L3MBTL4: variants seen among roughly 807,000 people sequenced by gnomAD.
L3MBTL4 encodes the protein lethal(3)malignant brain tumor-like protein 4.
Under a neutral mutation model 84.5 loss-of-function variants are expected in L3MBTL4, and 70 were observed. The observed-to-expected ratio is 0.83, with a 90% CI of 0.68 to 1.01. The LOEUF (loss-of-function observed/expected upper bound fraction) is 1.01. Among genes scored for constraint, L3MBTL4 ranks in the 50% least tolerant of loss-of-function variants. The pLI, the probability that L3MBTL4 is intolerant of heterozygous loss-of-function variation, is 0.00. For synonymous variants in L3MBTL4, 274 were observed against 259.8 expected, an observed-to-expected ratio of 1.05 and a Z score of -0.52; for missense variants, 715 against 754.8, an observed-to-expected ratio of 0.95 and a Z score of 0.62.
intron 14 of L3MBTL4, among the ~76,000 whole-genome samples, chr18:6,125,605 T>A (rs1166531493): frequency 2.0e-5 from 3 of 152,038 alleles, no homozygotes; most frequent in Admixed American, 2.0e-4. Flanking sequence ...ATGTCATGTA[T>A]TTTTTGTAGA....
At chr18:6,188,736 A>G (rs2044911226) in intron 12 of L3MBTL4, among the ~76,000 whole-genome samples, 2 of 152,238 alleles carry the variant, frequency 1.3e-5, no homozygotes, top group African/African-American at 2.4e-5. Flanking sequence ...CCGAAACCCC[A>G]GACCCTGAGC....
Position 6,157,169 on chromosome 18 carries a change from T to C in L3MBTL4, c.1096+14659A>G, listed in dbSNP as rs534657840. On this transcript the variant is annotated intron_variant, in intron 13 of 18. Transcript: ENST00000317931. ...TAAAAAACACAATATGCTGTAATTG[T>C]CTATTAAGTCAATGAGTACTTAGGG... 4.4e-3 allele frequency among the ~76,000 whole-genome samples: 670 copies of C among 152,334 alleles called. 2 individuals carry two copies. Among genetic ancestry groups the C allele is most frequent in the African/African-American group, 0.015 (634 of 41,570 alleles).
intron 16 of L3MBTL4, among the ~76,000 whole-genome samples, chr18:5,992,465 A>G (rs2053749976): frequency 6.6e-6 from 1 of 152,182 alleles, no homozygotes; most frequent in Non-Finnish European, 1.5e-5. Flanking sequence ...AAATCCCCCA[A>G]GAACATTAAG....
chr18:6,289,811 G>C (rs1313531430), intron 4 of L3MBTL4, among the ~76,000 whole-genome samples: 1 of 152,078 alleles, frequency 6.6e-6, no homozygotes, highest in African/African-American at 2.4e-5. Flanking sequence ...AGTATAACTT[G>C]ATTCTGTCCT....
Position 6,161,939 on chromosome 18 carries a change from A to ATG in L3MBTL4, c.1096+9888_1096+9889insCA, listed in dbSNP as rs941702501. On this transcript the variant is annotated intron_variant, in intron 13 of 18. Transcript: ENST00000317931. ...TATAATTCTTATATATAAAATATAT[A>ATG]TATATATCTAAGAAAGCTAAGAGAG... Among the ~76,000 whole-genome samples, 64 of 150,322 alleles carry ATG rather than the reference A, an allele frequency of 4.3e-4. 2 individuals are homozygous for ATG. Among genetic ancestry groups the ATG allele is most frequent in the African/African-American group, 1.5e-3 (61 of 41,198 alleles).
chr18:6,330,121 A>G (rs1237521739), intron 1 of L3MBTL4, among the ~76,000 whole-genome samples: 2 of 152,198 alleles, frequency 1.3e-5, no homozygotes, highest in African/African-American at 4.8e-5. Context: ...CTACTTAAAC[A>G]ATCTACTATA....
At chr18:6,008,375 C>G (rs906758509) in intron 16 of L3MBTL4, among the ~76,000 whole-genome samples, 6 of 152,152 alleles carry the variant, frequency 3.9e-5, no homozygotes, top group Non-Finnish European at 5.9e-5. Flanking sequence ...GTGGGCTCCT[C>G]AACAATATGA....
At position 6,103,692 on chromosome 18, in the gene L3MBTL4, T is replaced by A. The variant is rs1034223326; in HGVS notation, c.1200-10164A>T. Among the ~76,000 whole-genome samples, 9 of 152,352 alleles carry A rather than the reference T, an allele frequency of 5.9e-5. 1 individual carries two copies. In the South Asian group the frequency reaches 1.2e-3, roughly 21 times the overall value. On this transcript the variant is annotated intron_variant, in intron 14 of 18. Coordinates refer to ENST00000317931, the MANE Select transcript of L3MBTL4 (RefSeq NM_001330559.2). ...AGTTTCCTGAATATGCATGAGAATATGTTTACATAGGTATATATTTATGTA... is the reference window on the plus strand; with the variant it reads ...AGTTTCCTGAATATGCATGAGAATAAGTTTACATAGGTATATATTTATGTA...
chr18:6,353,028 A>G (rs2053271240), intron 1 of L3MBTL4, among the ~76,000 whole-genome samples: 1 of 152,242 alleles, frequency 6.6e-6, no homozygotes, highest in Non-Finnish European at 1.5e-5. Context: ...TAAACTAAAC[A>G]TATGTAAATT....
chr18:6,017,418 T>C (rs1481027657), intron 16 of L3MBTL4, among the ~76,000 whole-genome samples: 3 of 152,230 alleles, frequency 2.0e-5, no homozygotes, highest in African/African-American at 7.2e-5. Flanking sequence ...TGTGGAATTT[T>C]ATTTACTTTT....
chr18:6,011,351 C>T (rs2054727758), intron 16 of L3MBTL4, among the ~76,000 whole-genome samples: 1 of 152,136 alleles, frequency 6.6e-6, no homozygotes, highest in African/African-American at 2.4e-5. Context: ...GGTAGATCCT[C>T]CCATGACCTC....
At chr18:6,281,497 A>G (rs1185207895) in intron 4 of L3MBTL4, among the ~76,000 whole-genome samples, 1 of 152,210 alleles carries the variant, frequency 6.6e-6, no homozygotes, top group Non-Finnish European at 1.5e-5. Flanking sequence ...TTAAACATAA[A>G]AAGGATGATT....
intron 1 of L3MBTL4, among the ~76,000 whole-genome samples, chr18:6,317,129 C>A (rs969027403): frequency 2.6e-5 from 4 of 152,052 alleles, no homozygotes; most frequent in African/African-American, 4.8e-5. Flanking sequence ...ATTGTTACTA[C>A]AAGAGGCGTC....
At chr18:6,125,250 G>A (rs1347049236) in intron 14 of L3MBTL4, among the ~76,000 whole-genome samples, 1 of 151,990 alleles carries the variant, frequency 6.6e-6, no homozygotes, top group Non-Finnish European at 1.5e-5. Context: ...CTAGTAGCAA[G>A]AACACAACAA....
intron 13 of L3MBTL4, among the ~76,000 whole-genome samples, chr18:6,163,681 GA>G (rs1390936042): frequency 2.6e-5 from 4 of 152,072 alleles, no homozygotes; most frequent in African/African-American, 9.7e-5. Flanking sequence ...AACTTCTTAA[GA>G]AAAAGTGAAT....
intron 3 of L3MBTL4, among the ~76,000 whole-genome samples, chr18:6,304,572 G>A (rs909683351): frequency 2.0e-5 from 3 of 152,106 alleles, no homozygotes; most frequent in Non-Finnish European, 2.9e-5. Context: ...AAAAGTATAC[G>A]GCCCTCACTG....
intron 14 of L3MBTL4, among the ~76,000 whole-genome samples, chr18:6,112,819 T>C (rs572199331): frequency 5.9e-5 from 9 of 152,346 alleles, no homozygotes; most frequent in African/African-American, 2.2e-4. Context: ...AGGAAGTCTC[T>C]TCTCAATTTC....
At chr18:6,315,218 G>A (rs2051034661) in intron 1 of L3MBTL4, among the ~76,000 whole-genome samples, 1 of 151,998 alleles carries the variant, frequency 6.6e-6, no homozygotes, top group Non-Finnish European at 1.5e-5. Context: ...CCAAAATATC[G>A]AATACAAATT....
chr18:5,965,496 C>A (rs1213454238), intron 17 of L3MBTL4, among the ~76,000 whole-genome samples: 1 of 152,168 alleles, frequency 6.6e-6, no homozygotes, highest in African/African-American at 2.4e-5. Context: ...GCTGACAAAG[C>A]GCAAAAGCAC....
Sources: gnomAD v4.1 joint callset for allele counts (sites outside exome capture counted in the v4.1 genomes callset) on GRCh38, gnomAD v4.1.1 for gene constraint, MANE v1.5 for transcripts, NCBI Gene and HGNC (gene_info 2026-07-23, HGNC 2026-07-21) for gene names.